The following CDH13 variants were observed in gnomAD, a reference collection of about 807,000 sequenced individuals.
CDH13 encodes the protein cadherin-13.
In CDH13, 24 loss-of-function variants were observed where a neutral mutation model predicts 63.8. The ratio of observed to expected loss-of-function variants is 0.38; its 90% CI spans 0.27 to 0.53. The LOEUF (loss-of-function observed/expected upper bound fraction) is 0.53. CDH13 is among the 20% of genes least tolerant of loss of function. The probability of loss-of-function intolerance (pLI) is 0.85; values close to 1 mark genes in which losing one functional copy is unlikely to be tolerated. For synonymous variants in CDH13, 503 were observed against 355.3 expected (o/e 1.42, Z -4.67); for missense variants, 1,049 against 903.1 (o/e 1.16, Z -2.07).
At chr16:83,367,133 G>A (rs934873618) in intron 6 of CDH13, among the ~76,000 whole-genome samples, 8 of 151,958 alleles carry the variant, frequency 5.3e-5, no homozygotes, top group Non-Finnish European at 8.8e-5. Flanking sequence ...TCATTTCCTC[G>A]AAAACTCTTT....
intron 5 of CDH13, among the ~76,000 whole-genome samples, chr16:83,301,969 GA>G (rs35275432): frequency 0.031 from 4,385 of 142,426 alleles, 73 homozygotes; most frequent in South Asian, 0.057. Context: ...GTAAATTTAA[GA>G]AAAAAAAAAA....
chr16:83,613,896 A>T (rs995254343), intron 8 of CDH13, among the ~76,000 whole-genome samples: 1 of 152,082 alleles, frequency 6.6e-6, no homozygotes, highest in Admixed American at 6.6e-5. Context: ...TGTAATTTCA[A>T]ATTCTTTTTT....
intron 1 of CDH13, among the ~76,000 whole-genome samples, chr16:82,847,961 G>C: frequency 6.7e-6 from 1 of 149,806 alleles, no homozygotes; most frequent in East Asian, 2.0e-4. Flanking sequence ...TGGTGTTGAA[G>C]TCAAAATAAA....
intron 10 of CDH13, among the ~76,000 whole-genome samples, chr16:83,718,836 C>T (rs1023855347): frequency 1.3e-5 from 2 of 152,102 alleles, no homozygotes; most frequent in African/African-American, 4.8e-5. Flanking sequence ...CTATGACCAC[C>T]CTGTATTCTT....
intron 1 of CDH13, among the ~76,000 whole-genome samples, chr16:82,649,032 T>G (rs1163986133): frequency 6.6e-6 from 1 of 152,130 alleles, no homozygotes; most frequent in Non-Finnish European, 1.5e-5. Context: ...GATTCCAACA[T>G]TTTAAAGCAT....
In CDH13 at chr16:83,064,576, C is replaced by G. The variant is rs79179848; in HGVS notation, c.366+32358C>G. 6.5e-3 allele frequency among the ~76,000 whole-genome samples: 996 copies of G among 152,192 alleles called. 16 individuals are homozygous for G. Among genetic ancestry groups the G allele is most frequent in the African/African-American group, 0.021 (887 of 41,524 alleles). On this transcript the variant is annotated intron_variant, in intron 3 of 13. Coordinates refer to ENST00000567109, the MANE Select transcript of CDH13 (RefSeq NM_001257.5). Reference sequence around the variant, plus strand: ...TATAATGATCATTCCATCATTTAAGCAACATAAAAAGCAATGAGATATTTT... The same window carrying G: ...TATAATGATCATTCCATCATTTAAGGAACATAAAAAGCAATGAGATATTTT...
At chr16:82,899,909 G>C (rs1272239083) in intron 2 of CDH13, among the ~76,000 whole-genome samples, 1 of 152,176 alleles carries the variant, frequency 6.6e-6, no homozygotes, top group Non-Finnish European at 1.5e-5. Flanking sequence ...TAGTGAGCAT[G>C]TGCAAGTGAT....
chr16:83,153,752 T>C (rs1475939268), intron 4 of CDH13, among the ~76,000 whole-genome samples: 1 of 152,226 alleles, frequency 6.6e-6, no homozygotes, highest in Admixed American at 6.5e-5. Flanking sequence ...TACCTTGATC[T>C]CAGACTTCTA....
intron 6 of CDH13, among the ~76,000 whole-genome samples, chr16:83,377,324 G>T (rs1270744938): frequency 6.6e-6 from 1 of 152,130 alleles, no homozygotes; most frequent in African/African-American, 2.4e-5. Context: ...CCACACATCT[G>T]GCCCACACCC....
intron 6 of CDH13, among the ~76,000 whole-genome samples, chr16:83,483,869 A>G (rs1371668729): frequency 6.6e-6 from 1 of 152,184 alleles, no homozygotes; most frequent in Non-Finnish European, 1.5e-5. Flanking sequence ...CCACTGTTGG[A>G]TAACACTAAT....
chr16:83,100,874 C>T (rs970251793), intron 3 of CDH13, among the ~76,000 whole-genome samples: 5 of 152,186 alleles, frequency 3.3e-5, no homozygotes, highest in Admixed American at 6.5e-5. Context: ...CAGCGTACAA[C>T]CTTTACCACC....
intron 5 of CDH13, among the ~76,000 whole-genome samples, chr16:83,218,260 G>A (rs755572440): frequency 3.9e-5 from 6 of 152,186 alleles, no homozygotes; most frequent in Non-Finnish European, 8.8e-5. Context: ...TAGAGCAGTA[G>A]CATGATGGTA....
chr16:83,742,394 A>G (rs1476871256), intron 10 of CDH13, among the ~76,000 whole-genome samples: 2 of 152,120 alleles, frequency 1.3e-5, no homozygotes, highest in Non-Finnish European at 2.9e-5. Flanking sequence ...GTGAAGCTAC[A>G]TTACAGGCTG....
At chr16:83,567,262 A>T (rs1904290521) in intron 7 of CDH13, among the ~76,000 whole-genome samples, 1 of 152,174 alleles carries the variant, frequency 6.6e-6, no homozygotes, top group Admixed American at 6.5e-5. Flanking sequence ...GCAATCTGTG[A>T]GTCTGTAGAA....
chr16:82,880,568 G>C (rs1013809052), intron 2 of CDH13, among the ~76,000 whole-genome samples: 1 of 152,150 alleles, frequency 6.6e-6, no homozygotes, highest in East Asian at 1.9e-4. Context: ...CCTGGTTATG[G>C]ATAATACTTG....
intron 5 of CDH13, among the ~76,000 whole-genome samples, chr16:83,281,938 A>G (rs2089188378): frequency 6.6e-6 from 1 of 152,156 alleles, no homozygotes; most frequent in Non-Finnish European, 1.5e-5. Flanking sequence ...ATAAAATTTT[A>G]GGGAAAGCTT....
Position 83,140,851 on chromosome 16 carries a change from G to A in CDH13, c.483+15350G>A, listed in dbSNP as rs556384221. On this transcript the variant is annotated intron_variant, in intron 4 of 13. Transcript: ENST00000567109. ...ACCCTTGTTTCTCCCTCCTGGGAAC[G>A]GACTGACCCAAGGTTTAAGGCACCA... Among the ~76,000 whole-genome samples the A allele has an allele frequency of 1.4e-4, 22 of 152,302 alleles. No individual in the cohort carries two copies. The East Asian group carries it at 2.3e-3, about 16-fold the overall frequency.
At chr16:83,780,297 C>G (rs2151008288) in intron 12 of CDH13, 96 bp downstream of exon 12, 1 of 781,634 alleles carries the variant, frequency 1.3e-6, no homozygotes, top group South Asian at 2.0e-5. Context: ...CTCAAGTATT[C>G]TCATTTGGTT....
chr16:83,443,678 C>A (rs553485585), intron 6 of CDH13, among the ~76,000 whole-genome samples: 97 of 142,042 alleles, frequency 6.8e-4, no homozygotes, highest in African/African-American at 2.4e-3. Flanking sequence ...TGAGGCCAGC[C>A]TGGGCAACAG....
Sources: allele counts gnomAD v4.1 joint callset (sites outside exome capture counted in the v4.1 genomes callset), GRCh38; gene constraint gnomAD v4.1.1; transcripts MANE v1.5; gene names NCBI Gene and HGNC (gene_info 2026-07-23, HGNC 2026-07-21).